Variants in ZSWIM6 observed in about 807,000 individuals in gnomAD.
ZSWIM6 encodes the protein zinc finger SWIM domain-containing protein 6.
Under a neutral mutation model 113.2 loss-of-function variants are expected in ZSWIM6, and 9 were observed. The ratio of observed to expected loss-of-function variants is 0.08; its 90% confidence interval spans 0.05 to 0.14. The LOEUF (loss-of-function observed/expected upper bound fraction) is 0.14, where lower values mean the gene tolerates loss of function less well. Among genes scored for constraint, ZSWIM6 ranks in the 10% least tolerant of loss-of-function variants. ZSWIM6 has a pLI of 1.00. For synonymous variants in ZSWIM6, 611 were observed against 606.5 expected, an observed-to-expected ratio of 1.01 and a Z score of -0.11; for missense variants, 1,162 against 1,552.2, an observed-to-expected ratio of 0.75 and a Z score of 4.22.
intron 5 of ZSWIM6, among the ~76,000 whole-genome samples, chr5:61,523,623 T>A (rs1749196720): frequency 6.6e-6 from 1 of 152,206 alleles, no homozygotes; most frequent in Non-Finnish European, 1.5e-5. Flanking sequence ...CTTTTTTCAA[T>A]CTTACTGCAC....
At chr5:61,338,541 G>T (rs1340790604) in intron 1 of ZSWIM6, among the ~76,000 whole-genome samples, 1 of 152,144 alleles carries the variant, frequency 6.6e-6, no homozygotes, top group Non-Finnish European at 1.5e-5. Flanking sequence ...TTCAGTATTT[G>T]ATAGGTCCTT....
intron 1 of ZSWIM6, among the ~76,000 whole-genome samples, chr5:61,419,676 T>C (rs1746318121): frequency 6.6e-6 from 1 of 152,308 alleles, no homozygotes; most frequent in East Asian, 1.9e-4. Flanking sequence ...TTGTAGAAAA[T>C]TCTATTAGAC....
intron 1 of ZSWIM6, among the ~76,000 whole-genome samples, chr5:61,352,038 G>A (rs1179714869): frequency 1.3e-5 from 2 of 152,132 alleles, no homozygotes; most frequent in Non-Finnish European, 2.9e-5. Flanking sequence ...GTCATTCATG[G>A]GTGTACAAGG....
In ZSWIM6 at chr5:61,545,215, A is replaced by C. The variant is rs978329936; in HGVS notation, c.*898A>C. On this transcript the variant is annotated 3_prime_UTR_variant, in exon 14 of 14. Transcript: ENST00000252744. ...GGATTGCATGGTTGGACTGAGATCT[A>C]TTGGGAGAAATTATATATGTATATA... 1 of 151,784 alleles carries C rather than the reference A, an allele frequency of 6.6e-6. No homozygotes were observed. The highest frequency in any genetic ancestry group is 6.6e-5 in the Admixed American group (1 of 15,200). 9.4% of individuals were successfully genotyped at this position (151,784 alleles called of 1,614,324 possible). A position where few individuals can be genotyped will look rare whatever the true frequency, so the allele number is the denominator to read the frequency against.
intron 1 of ZSWIM6, among the ~76,000 whole-genome samples, chr5:61,411,076 C>T (rs1379193157): frequency 1.3e-5 from 2 of 152,188 alleles, no homozygotes; most frequent in Non-Finnish European, 2.9e-5. Context: ...CTCCATCTCT[C>T]TGCTTGTCTG....
intron 4 of ZSWIM6, among the ~76,000 whole-genome samples, chr5:61,501,703 T>G (rs1488051754): frequency 6.6e-6 from 1 of 152,188 alleles, no homozygotes; most frequent in Non-Finnish European, 1.5e-5. Context: ...TACACTTGAG[T>G]GTTACTGTCT....
chr5:61,366,504 T>C (rs188099952), intron 1 of ZSWIM6, among the ~76,000 whole-genome samples: 42 of 152,376 alleles, frequency 2.8e-4, no homozygotes, highest in African/African-American at 9.9e-4. Flanking sequence ...AGTTTTTCTC[T>C]TAGCTAATTG....
At chr5:61,506,782 T>G (rs983294491) in intron 4 of ZSWIM6, among the ~76,000 whole-genome samples, 1 of 152,118 alleles carries the variant, frequency 6.6e-6, no homozygotes, top group Non-Finnish European at 1.5e-5. Flanking sequence ...GGCCTCTAAA[T>G]AAGTATAATT....
intron 1 of ZSWIM6, chr5:61,391,111 G>C (rs1209505823): frequency 1.2e-5 from 9 of 752,918 alleles, no homozygotes; most frequent in South Asian, 4.2e-5. Context: ...CTGTGTCCCA[G>C]TACAGGCCAC....
At chr5:61,446,812 A>G (rs1746963485) in intron 1 of ZSWIM6, among the ~76,000 whole-genome samples, 2 of 152,188 alleles carry the variant, frequency 1.3e-5, no homozygotes, top group Admixed American at 1.3e-4. Context: ...ACATAAATGT[A>G]CATACACATA....
chr5:61,332,409 C>G lies in ZSWIM6; in HGVS notation c.137C>G (p.Pro46Arg), dbSNP rs913731645. The G allele has an allele frequency of 1.0e-6, 1 of 993,996 alleles. No homozygotes were observed. Among genetic ancestry groups the G allele is most frequent in the Non-Finnish European group, 1.2e-6 (1 of 838,280 alleles). The allele number at this position is 993,996 out of a possible 1,614,324, so 61.6% of individuals were successfully genotyped here. ...TACAGCTCTGCCTGTCGGCCAGGCC[C>G]GCGGGCGGGTGGCGCGGCGGCGGCG... The part of the protein sequence containing the change: ...GGYSSACRPG[P>R]RAGGAAAAAA... Residue 46 changes from proline to arginine, a missense_variant, in exon 1 of 14, where the codon CCG becomes CGG. This residue lies in a region of ZSWIM6 where 333 missense variants were observed against 293.4 expected (regional missense o/e 1.13). Transcript: ENST00000252744.
chr5:61,333,553 C>G (rs1744316350), intron 1 of ZSWIM6, among the ~76,000 whole-genome samples: 1 of 151,298 alleles, frequency 6.6e-6, no homozygotes, highest in Admixed American at 6.6e-5. Flanking sequence ...GCTCCCGGGT[C>G]GCTGTGGCGT....
At chr5:61,538,090 ATTTATAT>A (rs1316207393) in intron 10 of ZSWIM6, among the ~76,000 whole-genome samples, 1 of 152,094 alleles carries the variant, frequency 6.6e-6, no homozygotes, top group Non-Finnish European at 1.5e-5. Context: ...CACCCAACTG[ATTTATAT>A]TTTGTAGAAA....
chr5:61,477,470 C>T (rs1747736425), intron 2 of ZSWIM6, among the ~76,000 whole-genome samples: 1 of 152,204 alleles, frequency 6.6e-6, no homozygotes. Context: ...ATAGGAGGAA[C>T]CTAGGCTCCG....
Position 61,523,666 on chromosome 5 carries a change from A to G in ZSWIM6, c.1514-2134A>G, listed in dbSNP as rs2112265253. 1.3e-5 allele frequency among the ~76,000 whole-genome samples: 2 copies of G among 152,358 alleles called. 1 individual carries two copies. Among genetic ancestry groups the G allele is most frequent in the African/African-American group, 4.8e-5 (2 of 41,584 alleles). On this transcript the variant is annotated intron_variant, in intron 5 of 13. Coordinates refer to ENST00000252744, the MANE Select transcript of ZSWIM6 (RefSeq NM_020928.2). ...TAGCCACTGACATTCAAGATTTTAA[A>G]AAGTTGACTAATTTTGATACCTAGT... is the stretch of plus-strand genomic sequence containing the variant.
At chr5:61,451,351 A>G (rs1045780072) in intron 1 of ZSWIM6, among the ~76,000 whole-genome samples, 1 of 152,170 alleles carries the variant, frequency 6.6e-6, no homozygotes, top group Non-Finnish European at 1.5e-5. Context: ...ATTTAAGTAT[A>G]TTATTTAAAA....
intron 1 of ZSWIM6, among the ~76,000 whole-genome samples, chr5:61,470,175 T>C (rs1489990242): frequency 1.3e-5 from 2 of 152,184 alleles, no homozygotes; most frequent in Non-Finnish European, 2.9e-5. Flanking sequence ...CAATATCACT[T>C]TTGCAGAGAG....
chr5:61,387,112 A>G (rs2112087453), intron 1 of ZSWIM6, among the ~76,000 whole-genome samples: 1 of 152,290 alleles, frequency 6.6e-6, no homozygotes, highest in East Asian at 1.9e-4. Flanking sequence ...ATGTCAGAAA[A>G]TAGCTTTCTA....
At chr5:61,506,916 G>A (rs1748637660) in intron 4 of ZSWIM6, among the ~76,000 whole-genome samples, 1 of 152,132 alleles carries the variant, frequency 6.6e-6, no homozygotes, top group Admixed American at 6.5e-5. Flanking sequence ...AAAAGTGATT[G>A]TTTTACTTTG....
Sources: allele counts gnomAD v4.1 joint callset (sites outside exome capture counted in the v4.1 genomes callset), GRCh38; gene constraint gnomAD v4.1.1; regional missense constraint gnomAD v4.1.1; transcripts MANE v1.5; gene names NCBI Gene and HGNC (gene_info 2026-07-23, HGNC 2026-07-21).